Variants in CERKL observed in about 807,000 individuals in gnomAD.
CERKL encodes the protein CERK like autophagy regulator.
CERKL carries 61 observed loss-of-function variants against 63.4 expected under a neutral mutation model. The observed-to-expected ratio is 0.96, with a 90% CI of 0.78 to 1.19. The LOEUF (loss-of-function observed/expected upper bound fraction) is 1.19. Among genes scored for constraint, CERKL ranks in the 50% most tolerant of loss-of-function variants. The pLI is 0.00. For synonymous variants in CERKL, 250 were observed against 230.5 expected (o/e 1.08, Z -0.77); for missense variants, 675 against 655.5 (o/e 1.03, Z -0.33).
At chr2:181,633,536 G>T (rs1687055261) in intron 1 of CERKL, among the ~76,000 whole-genome samples, 1 of 152,142 alleles carries the variant, frequency 6.6e-6, no homozygotes, top group Non-Finnish European at 1.5e-5. Context: ...ATTTGGAAAG[G>T]TAGTTTTGTT....
At chr2:181,556,329 G>A (rs930254136) in intron 5 of CERKL, among the ~76,000 whole-genome samples, 1 of 151,870 alleles carries the variant, frequency 6.6e-6, no homozygotes, top group Non-Finnish European at 1.5e-5. Flanking sequence ...TGCCATGTTG[G>A]TGTGCTGCAC....
chr2:181,563,243 T>C (rs1405823301), intron 4 of CERKL, among the ~76,000 whole-genome samples: 2 of 152,082 alleles, frequency 1.3e-5, no homozygotes, highest in African/African-American at 4.8e-5. Flanking sequence ...CACACTGCAG[T>C]GGAGAACTAG....
intron 2 of CERKL, among the ~76,000 whole-genome samples, chr2:181,595,845 T>G (rs1182989603): frequency 6.6e-6 from 1 of 152,216 alleles, no homozygotes; most frequent in Admixed American, 6.5e-5. Flanking sequence ...AAAACATATT[T>G]GTAGTTCTTG....
intron 1 of CERKL, among the ~76,000 whole-genome samples, chr2:181,608,015 C>T (rs538383339): frequency 6.6e-5 from 10 of 152,238 alleles, no homozygotes; most frequent in African/African-American, 2.4e-4. Context: ...CTTTAAGACA[C>T]AGAGTCTTCT....
intron 1 of CERKL, among the ~76,000 whole-genome samples, chr2:181,653,488 C>G (rs1688021799): frequency 6.6e-6 from 1 of 152,056 alleles, no homozygotes; most frequent in African/African-American, 2.4e-5. Context: ...TCACAATGGC[C>G]AAGATATGGA....
chr2:181,635,326 A>C (rs1301676716), intron 1 of CERKL, among the ~76,000 whole-genome samples: 2 of 152,178 alleles, frequency 1.3e-5, no homozygotes, highest in Non-Finnish European at 2.9e-5. Flanking sequence ...AAAAATGCTA[A>C]ATTTAAAAAA....
chr2:181,554,505 C>T (rs924789756), intron 5 of CERKL, among the ~76,000 whole-genome samples: 1 of 152,150 alleles, frequency 6.6e-6, no homozygotes, highest in Admixed American at 6.6e-5. Flanking sequence ...CCTTGTTTTA[C>T]AACAACTGGA....
intron 6 of CERKL, among the ~76,000 whole-genome samples, chr2:181,549,403 T>C (rs986991743): frequency 2.6e-5 from 4 of 152,196 alleles, no homozygotes; most frequent in African/African-American, 9.6e-5. Flanking sequence ...ATTTTTTTTC[T>C]GTACAGATTA....
intron 2 of CERKL, among the ~76,000 whole-genome samples, chr2:181,587,956 T>C (rs533159362): frequency 2.6e-5 from 4 of 152,136 alleles, no homozygotes; most frequent in Middle Eastern, 3.2e-3. Context: ...TTGTGTACTA[T>C]ATGTTGAAGA....
intron 3 of CERKL, among the ~76,000 whole-genome samples, chr2:181,567,725 A>T (rs1231231863): frequency 6.6e-6 from 1 of 152,184 alleles, no homozygotes; most frequent in East Asian, 1.9e-4. Flanking sequence ...ATATATGCTA[A>T]TGAAATAATG....
intron 2 of CERKL, among the ~76,000 whole-genome samples, chr2:181,601,482 A>T (rs1447838437): frequency 2.0e-5 from 3 of 152,206 alleles, no homozygotes; most frequent in African/African-American, 7.2e-5. Context: ...GAATTGCTCA[A>T]ACCCGGGAGG....
chr2:181,585,361 C>T (rs751794208), intron 2 of CERKL, among the ~76,000 whole-genome samples: 2 of 151,926 alleles, frequency 1.3e-5, no homozygotes, highest in Non-Finnish European at 2.9e-5. Context: ...TATAAAGCTG[C>T]GATTTCAACT....
chr2:181,578,718 A>G (rs1424551323), intron 2 of CERKL, among the ~76,000 whole-genome samples: 1 of 152,032 alleles, frequency 6.6e-6, no homozygotes, highest in African/African-American at 2.4e-5. Context: ...TGTATTTTAA[A>G]GATGACTCCA....
chr2:181,588,101 TATC>T (rs983758393), intron 2 of CERKL, among the ~76,000 whole-genome samples: 3 of 152,272 alleles, frequency 2.0e-5, no homozygotes, highest in East Asian at 3.9e-4. Context: ...CTCACATACT[TATC>T]ATTTTGTGGT....
intron 1 of CERKL, among the ~76,000 whole-genome samples, chr2:181,623,322 T>C (rs1322421589): frequency 4.6e-5 from 7 of 152,148 alleles, no homozygotes; most frequent in Admixed American, 2.0e-4. Flanking sequence ...AATAGATCAA[T>C]AAAACAGAGT....
rs895230068 is a variant in CERKL at position 181,604,207 on chromosome 2, C to G, written c.239-128G>C. On this transcript the variant is annotated intron_variant, in intron 1 of 12. Coordinates refer to ENST00000410087, the MANE Select transcript of CERKL (RefSeq NM_201548.5). ...GATCAAGAAAAATAACTAATGGGTA[C>G]TGGGCTTAATACCTGGGTGATGAAA... The G allele has an allele frequency of 3.8e-5, 27 of 701,718 alleles. No homozygotes were observed. In the East Asian group the frequency reaches 6.3e-4, roughly 16 times the overall value. 43.5% of individuals were successfully genotyped at this position (701,718 alleles called of 1,614,324 possible). A position where few individuals can be genotyped will look rare whatever the true frequency, so the allele number is the denominator to read the frequency against.
At chr2:181,629,007 T>C (rs952524822) in intron 1 of CERKL, among the ~76,000 whole-genome samples, 9 of 152,278 alleles carry the variant, frequency 5.9e-5, no homozygotes, top group African/African-American at 2.2e-4. Flanking sequence ...ACTCAGAAGA[T>C]TTTTCAAAAA....
intron 1 of CERKL, among the ~76,000 whole-genome samples, chr2:181,621,700 T>C (rs1686462117): frequency 2.0e-5 from 3 of 152,192 alleles, no homozygotes; most frequent in Admixed American, 1.3e-4. Flanking sequence ...TGAGAAAATT[T>C]TGGAGAAAAC....
chr2:181,547,639 C>T lies in CERKL; in HGVS notation c.1247G>A (p.Arg416Lys), dbSNP rs1574435498. 2 of 1,613,954 alleles carry T rather than the reference C, an allele frequency of 1.2e-6. No homozygotes were observed. The highest frequency in any genetic ancestry group is 2.2e-5 in the East Asian group (1 of 44,848). The change falls in exon 10 of 13, where the codon AGA (arginine) becomes AAA (lysine). Residue 416 changes from arginine (R) to lysine (K), a missense_variant. Transcript: ENST00000410087. Reference sequence around the variant, plus strand: ...TAACCTGGTATTAGGTGCCAAGCCTCTAGGTGCCACTGAACACAGGCAAGG... The same window carrying T: ...TAACCTGGTATTAGGTGCCAAGCCTTTAGGTGCCACTGAACACAGGCAAGG... ...AIPCLCSVAP[R>K]GLAPNTRLNN...
Sources: gnomAD v4.1 joint callset for allele counts (sites outside exome capture counted in the v4.1 genomes callset) on GRCh38, gnomAD v4.1.1 for gene constraint, MANE v1.5 for transcripts, NCBI Gene and HGNC (gene_info 2026-07-23, HGNC 2026-07-21) for gene names.